Variants in GALNT13 observed in about 807,000 individuals in gnomAD.
The protein encoded by GALNT13 is polypeptide N-acetylgalactosaminyltransferase 13.
GALNT13 carries 28 observed loss-of-function variants against 64.2 expected under a neutral mutation model. The ratio of observed to expected loss-of-function variants is 0.44; its 90% CI spans 0.32 to 0.60. The LOEUF is 0.60. Among genes scored for constraint, GALNT13 ranks in the 20% least tolerant of loss-of-function variants. GALNT13 has a pLI of 0.05. For missense variants in GALNT13, 577 were observed against 669.8 expected, an observed-to-expected ratio of 0.86 and a Z score of 1.53; for synonymous variants, 214 against 224.6, an observed-to-expected ratio of 0.95 and a Z score of 0.42.
At chr2:153,937,112 C>T (rs1690992408) in intron 2 of GALNT13, among the ~76,000 whole-genome samples, 1 of 152,148 alleles carries the variant, frequency 6.6e-6, no homozygotes, top group Non-Finnish European at 1.5e-5. Flanking sequence ...AGCATATGAT[C>T]AAGCAATTCT....
At chr2:154,250,855 A>G (rs542305478) in intron 7 of GALNT13, among the ~76,000 whole-genome samples, 54 of 152,218 alleles carry the variant, frequency 3.5e-4, no homozygotes, top group South Asian at 8.3e-4. Context: ...TCTATAAAAT[A>G]AAAGATATGA....
At chr2:154,032,143 G>A (rs1015443546) in intron 3 of GALNT13, among the ~76,000 whole-genome samples, 2 of 151,692 alleles carry the variant, frequency 1.3e-5, no homozygotes, top group Admixed American at 1.3e-4. Context: ...CAAATAAATT[G>A]GAAACAGACT....
chr2:153,641,981 G>C, the GALNT13 span, among the ~76,000 whole-genome samples: 1 of 151,704 alleles, frequency 6.6e-6, no homozygotes, highest in Non-Finnish European at 1.5e-5. Context: ...TTAGCATTTT[G>C]CTTCAATCAT....
chr2:154,275,575 A>G (rs1034363811), intron 8 of GALNT13, among the ~76,000 whole-genome samples: 1 of 152,116 alleles, frequency 6.6e-6, no homozygotes, highest in African/African-American at 2.4e-5. Flanking sequence ...GTTTCAGAGG[A>G]TGTGTGGAAA....
chr2:153,615,832 T>A, the GALNT13 span, among the ~76,000 whole-genome samples: 1 of 152,116 alleles, frequency 6.6e-6, no homozygotes, highest in South Asian at 2.1e-4. Flanking sequence ...ATATTCTGGT[T>A]ATTAATCCCT....
intron 3 of GALNT13, among the ~76,000 whole-genome samples, chr2:153,956,920 G>A (rs1057357048): frequency 7.2e-5 from 11 of 151,872 alleles, no homozygotes; most frequent in East Asian, 3.9e-4. Flanking sequence ...GACTATCTCC[G>A]AGAACCAAGT....
chr2:154,351,410 A>G (rs953788494), intron 9 of GALNT13, among the ~76,000 whole-genome samples: 114 of 152,194 alleles, frequency 7.5e-4, no homozygotes, highest in African/African-American at 2.7e-3. Context: ...CTGGCCGGGC[A>G]AGGTGGCTCA....
intron 9 of GALNT13, among the ~76,000 whole-genome samples, chr2:154,393,385 C>G (rs1698887404): frequency 6.6e-6 from 1 of 152,154 alleles, no homozygotes; most frequent in African/African-American, 2.4e-5. Flanking sequence ...AGTGACATAA[C>G]CCCTTTCTCT....
chr2:153,834,725 T>G, the GALNT13 span, among the ~76,000 whole-genome samples: 1 of 152,242 alleles, frequency 6.6e-6, no homozygotes, highest in East Asian at 1.9e-4. Context: ...ACATTGATTT[T>G]CTTTTTGGGG....
the GALNT13 span, among the ~76,000 whole-genome samples, chr2:153,099,630 A>G: frequency 4.6e-5 from 7 of 152,220 alleles, no homozygotes; most frequent in African/African-American, 1.7e-4. Flanking sequence ...ATACTGTACT[A>G]TGCAAGATGT....
At chr2:153,630,791 A>G in the GALNT13 span, among the ~76,000 whole-genome samples, 1 of 13,096 alleles carries the variant, frequency 7.6e-5, no homozygotes, top group Non-Finnish European at 1.5e-4. Flanking sequence ...ATATATATAT[A>G]TATATATATA....
the GALNT13 span, among the ~76,000 whole-genome samples, chr2:153,731,060 TTATATA>T: frequency 6.6e-6 from 1 of 150,942 alleles, no homozygotes; most frequent in Non-Finnish European, 1.5e-5. Context: ...AAATAAACTA[TTATATA>T]TATATATGTG....
At chr2:153,514,284 C>T in the GALNT13 span, among the ~76,000 whole-genome samples, 2 of 152,084 alleles carry the variant, frequency 1.3e-5, no homozygotes, top group Non-Finnish European at 2.9e-5. Flanking sequence ...TTATTTATTT[C>T]GGTGACTATA....
intron 3 of GALNT13, among the ~76,000 whole-genome samples, chr2:154,010,689 A>G (rs1696574229): frequency 6.6e-6 from 1 of 152,162 alleles, no homozygotes; most frequent in African/African-American, 2.4e-5. Flanking sequence ...TATATCTGGT[A>G]GAATTCAGTT....
At chr2:153,118,145 A>ACCC in the GALNT13 span, among the ~76,000 whole-genome samples, 6 of 147,470 alleles carry the variant, frequency 4.1e-5, no homozygotes, top group East Asian at 1.2e-3. Context: ...ACACACACAC[A>ACCC]CCCCACATAA....
chr2:153,210,160 T>A, the GALNT13 span, among the ~76,000 whole-genome samples: 1 of 152,178 alleles, frequency 6.6e-6, no homozygotes, highest in Non-Finnish European at 1.5e-5. Context: ...TAAGTCTGTA[T>A]GCCTTTTATT....
At chr2:154,129,924 A>G (rs1355144488) in intron 3 of GALNT13, among the ~76,000 whole-genome samples, 1 of 152,012 alleles carries the variant, frequency 6.6e-6, no homozygotes, top group African/African-American at 2.4e-5. Flanking sequence ...CTCATGGTTT[A>G]GTTCAGGTTC....
At chr2:154,394,774 G>GT (rs1698978695) in intron 9 of GALNT13, among the ~76,000 whole-genome samples, 1 of 152,132 alleles carries the variant, frequency 6.6e-6, no homozygotes, top group Admixed American at 6.5e-5. Context: ...CAAAGACCTT[G>GT]TTTTTTCTGC....
At chr2:153,882,348 A>C (rs1461754976) in intron 1 of GALNT13, among the ~76,000 whole-genome samples, 1 of 152,040 alleles carries the variant, frequency 6.6e-6, no homozygotes, top group East Asian at 1.9e-4. Context: ...GTATAGATGA[A>C]ATAGCCTTGT....
Sources: gnomAD v4.1 joint callset for allele counts (sites outside exome capture counted in the v4.1 genomes callset) on GRCh38, gnomAD v4.1.1 for gene constraint, MANE v1.5 for transcripts, NCBI Gene and HGNC (gene_info 2026-07-23, HGNC 2026-07-21) for gene names.